Variants in IPO13 observed in about 807,000 individuals in gnomAD.
The protein encoded by IPO13 is importin-13.
A neutral mutation model predicts 115.5 loss-of-function variants in IPO13; 28 were observed. The ratio of observed to expected loss-of-function variants is 0.24; its 90% confidence interval spans 0.18 to 0.33. The LOEUF is 0.33. IPO13 is among the 10% of genes least tolerant of loss of function. IPO13 has a pLI of 1.00. For synonymous variants in IPO13, 414 were observed against 478.9 expected (o/e 0.86, Z 1.77); for missense variants, 785 against 1,204.6 (o/e 0.65, Z 5.16).
At chr1:43,951,958 C>T (rs6675620) in intron 2 of IPO13, among the ~76,000 whole-genome samples, 95,053 of 151,954 alleles carry the variant, frequency 0.63, 33,067 homozygotes, top group Non-Finnish European at 0.79. Flanking sequence ...AAGGTTTAAA[C>T]AGGATAATGT....
rs1344055231 is a variant in IPO13 at position 43,947,755 on chromosome 1, C to G, written c.84+71C>G. 3 of 935,494 alleles carry G rather than the reference C, an allele frequency of 3.2e-6. No homozygotes were observed. In the African/African-American group the frequency reaches 5.1e-5, roughly 16 times the overall value. 57.9% of individuals were successfully genotyped at this position (935,494 alleles called of 1,614,324 possible). ...CTGGGGACTGTCACTGATGGCAGAG[C>G]TCAGGCCTGGGCTGGGTGCCCGCTG... On this transcript the variant is annotated intron_variant, in intron 1 of 19. Transcript: ENST00000372343.
Position 43,967,320 on chromosome 1 carries a change from T to A in IPO13, c.2619T>A (p.Ile873=). 6.2e-7 allele frequency: 1 copy of A among 1,613,012 alleles called. No homozygotes were observed. ...RMLLIAVLEA[I]GGQASRSLMD... is the part of the protein sequence containing the mutation. ...TGAGAACCCCTCTCCCTCAGGCCATTGGGGGCCAGGCCTCCCGCAGCCTCA... is the reference window on the plus strand; with the variant it reads ...TGAGAACCCCTCTCCCTCAGGCCATAGGGGGCCAGGCCTCCCGCAGCCTCA... Residue 873 remains isoleucine (I), a synonymous_variant, in exon 19 of 20, where the codon ATT becomes ATA. Coordinates refer to ENST00000372343, the MANE Select transcript of IPO13 (RefSeq NM_014652.4). The surrounding 1 kb of genome is among the most constrained non-coding windows in gnomAD (Gnocchi z 6.1).
At position 43,958,577 on chromosome 1, in the gene IPO13, G is replaced by A. The variant is rs1287955296; in HGVS notation, c.1866G>A (p.Glu622=). The A allele has an allele frequency of 1.2e-6, 2 of 1,614,146 alleles. No homozygotes were observed. Among genetic ancestry groups the A allele is most frequent in the Non-Finnish European group, 1.7e-6 (2 of 1,180,028 alleles). ...TCTCACCCTATATCCAGCAACTGGA[G>A]AAGCTGGCAGAGGAGATAGTGAGTG... is the stretch of plus-strand genomic sequence containing the variant. ...SLISPYIQQL[E]KLAEEIPNPS... The change falls in exon 10 of 20, where the codon GAG becomes GAA. Residue 622 remains glutamate (E), a synonymous_variant. Coordinates refer to ENST00000372343, the MANE Select transcript of IPO13 (RefSeq NM_014652.4). The surrounding 1 kb of genome is among the most constrained non-coding windows in gnomAD (Gnocchi z 6.3).
At chr1:43,948,096 T>A (rs369068844) in intron 1 of IPO13, among the ~76,000 whole-genome samples, 1 of 152,308 alleles carries the variant, frequency 6.6e-6, no homozygotes, top group African/African-American at 2.4e-5. Context: ...GCTCAGAAAA[T>A]AATCTGGAAC....
chr1:43,953,011 G>A (rs1166142216), intron 2 of IPO13, among the ~76,000 whole-genome samples: 2 of 152,334 alleles, frequency 1.3e-5, no homozygotes, highest in South Asian at 4.1e-4. Flanking sequence ...AAGTGTGTGG[G>A]TGATGTGAGG....
chr1:43,947,542 C>A lies in IPO13; in HGVS notation c.-59C>A. On this transcript the variant is annotated 5_prime_UTR_variant, in exon 1 of 20. Coordinates refer to ENST00000372343, the MANE Select transcript of IPO13 (RefSeq NM_014652.4). ...CGGGGTCTAGCAGGGGGCCAGCAGC[C>A]AAGGGGCTGGGGCAGGAGACAGATC... The A allele has an allele frequency of 9.7e-7, 1 of 1,034,112 alleles. No homozygotes were observed. Among genetic ancestry groups the A allele is most frequent in the Non-Finnish European group, 1.3e-6 (1 of 794,902 alleles). The allele number at this position is 1,034,112 out of a possible 1,614,324, so 64.1% of individuals were successfully genotyped here.
In IPO13 at chr1:43,958,380, T is replaced by C. The variant is rs775373254; in HGVS notation, c.1750-81T>C. On this transcript the variant is annotated intron_variant, in intron 9 of 19. Transcript: ENST00000372343. This position sits in a 1 kb window ranked among gnomAD's most constrained non-coding sequence, Gnocchi z 6.3. ...CCTCTTATCCCTTATTCTCTGTTTT[T>C]CTTCTCCCAAGAGGCTCATTTTCCT... The C allele has an allele frequency of 8.7e-6, 14 of 1,610,356 alleles. No homozygotes were observed. Among genetic ancestry groups the C allele is most frequent in the Non-Finnish European group, 1.2e-5 (14 of 1,177,458 alleles).
Position 43,967,962 on chromosome 1 carries a change from C to T in IPO13, c.*280C>T, listed in dbSNP as rs111954658. 1.4e-4 allele frequency: 74 copies of T among 528,350 alleles called. No individual in the cohort carries two copies. Among genetic ancestry groups the T allele is most frequent in the South Asian group, 5.4e-4 (23 of 42,826 alleles). 32.7% of individuals were successfully genotyped at this position (528,350 alleles called of 1,614,324 possible). On this transcript the variant is annotated 3_prime_UTR_variant, in exon 20 of 20. Coordinates refer to ENST00000372343, the MANE Select transcript of IPO13 (RefSeq NM_014652.4). The surrounding 1 kb of genome is among the most constrained non-coding windows in gnomAD (Gnocchi z 6.1). ...CAGAATACTGTCATTGTCCTTGGGG[C>T]GGGGTGGTTGCAGTAGTGTCATCAA...
At chr1:43,964,876 G>A (rs1419028007) in intron 15 of IPO13, among the ~76,000 whole-genome samples, 1 of 152,166 alleles carries the variant, frequency 6.6e-6, no homozygotes, top group African/African-American at 2.4e-5. Flanking sequence ...TTTGCATTTT[G>A]TATGTGTTTC....
Position 43,961,188 on chromosome 1 carries a change from A to G in IPO13, c.2270A>G (p.Glu757Gly), listed in dbSNP as rs1191931930. The G allele has an allele frequency of 6.2e-7, 1 of 1,614,006 alleles. No individual in the cohort carries two copies. ...TRQLVHIFAH[E>G]PAHFPPIEAL... is the part of the protein sequence containing the mutation. ...TAGCTGGTCCACATCTTTGCTCATG[A>G]GCCTGCCCACTTTCCCCCAATTGAG... is the stretch of plus-strand genomic sequence containing the variant. Residue 757 changes from glutamate (E) to glycine (G), a missense_variant, in exon 14 of 20, where the codon GAG becomes GGG. Glu to Gly is a moderately conservative substitution (Grantham distance 98). This residue lies in a region of IPO13 where 285 missense variants were observed against 394.8 expected (regional missense o/e 0.72). Transcript: ENST00000372343.
At chr1:43,949,170 C>T (rs1377637386) in intron 1 of IPO13, among the ~76,000 whole-genome samples, 1 of 152,192 alleles carries the variant, frequency 6.6e-6, no homozygotes, top group African/African-American at 2.4e-5. Flanking sequence ...GTGGAGATTC[C>T]CTCTCTGAAC....
At chr1:43,951,280 CAT>C (rs369189812) in intron 2 of IPO13, among the ~76,000 whole-genome samples, 103 of 152,334 alleles carry the variant, frequency 6.8e-4, no homozygotes, top group African/African-American at 2.4e-3. Context: ...CTAGTGGACA[CAT>C]GAGTGGCAAG....
In IPO13 at chr1:43,947,501, C is replaced by A; in HGVS notation, c.-100C>A. The A allele has an allele frequency of 1.6e-6, 1 of 643,282 alleles. No homozygotes were observed. The allele number at this position is 643,282 out of a possible 1,614,324, so 39.8% of individuals were successfully genotyped here. On this transcript the variant is annotated 5_prime_UTR_variant, in exon 1 of 20. Transcript: ENST00000372343. The stretch of plus-strand genomic sequence containing the variant: ...CTGGGCCCCCCCTCACCCCACCACT[C>A]CCTGGGCACCCAAGCCGGGGTCTAG...
In IPO13 at chr1:43,960,335, C is replaced by T. The variant is rs764827102; in HGVS notation, c.2109+6C>T. On this transcript the variant is annotated splice_donor_region_variant and intron_variant, in intron 12 of 19. Coordinates refer to ENST00000372343, the MANE Select transcript of IPO13 (RefSeq NM_014652.4). ...ATGATGCCCAGGTTGTGGAGGTGAG[C>T]CCTGACCCTTGCCCTCCGCTCCCAT... 2.2e-5 allele frequency: 35 copies of T among 1,613,174 alleles called. 1 individual carries two copies. Among genetic ancestry groups the T allele is most frequent in the Non-Finnish European group, 1.4e-5 (17 of 1,179,280 alleles).
chr1:43,957,377 A>C, intron 6 of IPO13, 25 bp from the exon 7 acceptor site: 3 of 1,613,866 alleles, frequency 1.9e-6, no homozygotes, highest in Non-Finnish European at 2.5e-6. Flanking sequence ...TCCTCATCCA[A>C]GCCAGTGGCA....
At chr1:43,961,367 T>C (rs1379345753) in intron 14 of IPO13, 105 bp downstream of exon 14, 2 of 903,904 alleles carry the variant, frequency 2.2e-6, no homozygotes, top group African/African-American at 3.3e-5. Context: ...GTCCCCTGAG[T>C]CACACGTGGG....
In IPO13 at chr1:43,950,120, T is replaced by C. The variant is rs1396042128; in HGVS notation, c.788T>C (p.Ile263Thr). The C allele has an allele frequency of 6.2e-7, 1 of 1,612,618 alleles. No individual in the cohort carries two copies. The highest frequency in any genetic ancestry group is 8.5e-7 in the Non-Finnish European group (1 of 1,179,114). Residue 263 changes from isoleucine to threonine, a missense_variant, in exon 2 of 20, where the codon ATT becomes ACT. Around this residue, in one of 3 missense-constraint regions of IPO13, gnomAD observed 325 missense variants for 449.8 expected, o/e 0.72. Coordinates refer to ENST00000372343, the MANE Select transcript of IPO13 (RefSeq NM_014652.4). ...SELFDSSVEA[I>T]VNAISQPDAQ... ...CTCTTCGACAGCAGTGTGGAGGCCA[T>C]TGTGAATGCCATCTCACAGCCTGAT... is the stretch of plus-strand genomic sequence containing the variant.
At position 43,956,944 on chromosome 1, in the gene IPO13, C is replaced by T. The variant is rs761724317; in HGVS notation, c.1239C>T (p.Ser413=). 1.8e-5 allele frequency: 29 copies of T among 1,614,214 alleles called. No homozygotes were observed. The highest frequency in any genetic ancestry group is 2.3e-5 in the Non-Finnish European group (27 of 1,180,048). ...CTGATGAGGAATATGGATTCTGGTCCTCAGACGAGAAGGAGCAGTTCCGAA... is the reference window on the plus strand; with the variant it reads ...CTGATGAGGAATATGGATTCTGGTCTTCAGACGAGAAGGAGCAGTTCCGAA... ...FPSDEEYGFW[S]SDEKEQFRIY... The change falls in exon 5 of 20, where the codon TCC becomes TCT. Residue 413 remains serine (S), a synonymous_variant. Coordinates refer to ENST00000372343, the MANE Select transcript of IPO13 (RefSeq NM_014652.4). The surrounding 1 kb of genome is among the most constrained non-coding windows in gnomAD (Gnocchi z 4.7).
intron 7 of IPO13, among the ~76,000 whole-genome samples, 192 bp from the exon 8 acceptor site, chr1:43,957,785 A>G (rs2085261443): frequency 6.6e-6 from 1 of 152,208 alleles, no homozygotes; most frequent in Non-Finnish European, 1.5e-5. Flanking sequence ...GCCTCTGTTG[A>G]GTAACCCCTT....
Sources: allele counts gnomAD v4.1 joint callset (sites outside exome capture counted in the v4.1 genomes callset), GRCh38; gene constraint gnomAD v4.1.1; regional missense constraint gnomAD v4.1.1; non-coding constraint Gnocchi (gnomAD v3.1); transcripts MANE v1.5; gene names NCBI Gene and HGNC (gene_info 2026-07-23, HGNC 2026-07-21).